The following DPH6 variants were observed in gnomAD, a reference collection of about 807,000 sequenced individuals.
DPH6 encodes the protein diphthine--ammonia ligase.
DPH6 carries 33 observed loss-of-function variants against 38.2 expected under a neutral mutation model. That is an observed-to-expected ratio of 0.86 (90% CI 0.65 to 1.15). The LOEUF is 1.15. Among genes scored for constraint, DPH6 ranks in the 50% most tolerant of loss-of-function variants. The pLI is 0.00. For synonymous variants in DPH6, 108 were observed against 103.0 expected (o/e 1.05, Z -0.30); for missense variants, 325 against 320.0 (o/e 1.02, Z -0.12).
chr15:35,281,621 A>G (rs1390767874), intron 3 of DPH6, among the ~76,000 whole-genome samples: 2 of 152,138 alleles, frequency 1.3e-5, no homozygotes, highest in Non-Finnish European at 2.9e-5. Flanking sequence ...ACATTGGTCT[A>G]CTCTTCAGCT....
At chr15:35,512,870 A>G (rs983642307) in intron 3 of DPH6, among the ~76,000 whole-genome samples, 21 of 152,162 alleles carry the variant, frequency 1.4e-4, no homozygotes, top group Non-Finnish European at 2.6e-4. Flanking sequence ...CTGGAAATGC[A>G]TCCTAAGGAA....
intron 4 of DPH6, among the ~76,000 whole-genome samples, chr15:35,453,141 CT>C (rs1257374512): frequency 1.3e-5 from 2 of 152,156 alleles, no homozygotes; most frequent in African/African-American, 4.8e-5. Flanking sequence ...AGTAACATTA[CT>C]TTTGAAGTTT....
At chr15:35,255,719 T>C (rs1172825083) in intron 3 of DPH6, among the ~76,000 whole-genome samples, 1 of 152,028 alleles carries the variant, frequency 6.6e-6, no homozygotes, top group African/African-American at 2.4e-5. Context: ...GTCTTGAAAT[T>C]TTTTTTGACT....
intron 3 of DPH6, among the ~76,000 whole-genome samples, chr15:35,474,662 A>G (rs545131839): frequency 2.0e-5 from 3 of 152,320 alleles, no homozygotes; most frequent in African/African-American, 4.8e-5. Context: ...AACACTACGT[A>G]AATGTAAAAA....
intron 3 of DPH6, among the ~76,000 whole-genome samples, chr15:35,289,366 A>G (rs2051964244): frequency 6.6e-6 from 1 of 152,232 alleles, no homozygotes; most frequent in African/African-American, 2.4e-5. Context: ...ACATGGAGCA[A>G]TTTGTAGCAA....
intron 6 of DPH6, among the ~76,000 whole-genome samples, chr15:35,393,854 G>T (rs1012698711): frequency 6.6e-6 from 1 of 152,138 alleles, no homozygotes; most frequent in Non-Finnish European, 1.5e-5. Flanking sequence ...AGAAATTTAG[G>T]AAAATTCTCA....
chr15:35,188,402 G>A, the DPH6 span, among the ~76,000 whole-genome samples: 1 of 152,186 alleles, frequency 6.6e-6, no homozygotes, highest in African/African-American at 2.4e-5. Flanking sequence ...CATGCAGACA[G>A]GCCACCCCAA....
intron 3 of DPH6, among the ~76,000 whole-genome samples, chr15:35,459,261 T>G (rs2054033427): frequency 6.6e-6 from 1 of 152,198 alleles, no homozygotes; most frequent in Non-Finnish European, 1.5e-5. Context: ...GCCTTGTAGA[T>G]GATCGTCATC....
At chr15:35,214,537 C>T (rs2140380597), downstream of DPH6, among the ~76,000 whole-genome samples, 1 of 152,280 alleles carries the variant, frequency 6.6e-6, no homozygotes, top group African/African-American at 2.4e-5. Context: ...ATCCAGAATC[C>T]AACCACTTCT....
At chr15:35,245,006 G>T (rs1183041654) in intron 3 of DPH6, among the ~76,000 whole-genome samples, 2 of 152,074 alleles carry the variant, frequency 1.3e-5, no homozygotes, top group African/African-American at 4.8e-5. Flanking sequence ...TGACACTCAT[G>T]AAAAATGTAG....
chr15:35,262,678 C>A (rs1400000987), intron 3 of DPH6, among the ~76,000 whole-genome samples: 1 of 124,668 alleles, frequency 8.0e-6, no homozygotes, highest in Non-Finnish European at 1.5e-5. Context: ...TGCACTCCAG[C>A]CTGCGAAACA....
intron 3 of DPH6, among the ~76,000 whole-genome samples, chr15:35,315,945 G>A (rs2052184868): frequency 6.6e-6 from 1 of 152,100 alleles, no homozygotes; most frequent in Non-Finnish European, 1.5e-5. Flanking sequence ...AGCCCAGAAA[G>A]ACAAGTAATG....
At chr15:35,370,434 T>C (rs1205979976), downstream of DPH6, among the ~76,000 whole-genome samples, 1 of 151,694 alleles carries the variant, frequency 6.6e-6, no homozygotes, top group African/African-American at 2.4e-5. Context: ...TATTTGCAAA[T>C]ACATATTTGA....
At chr15:35,219,260 C>A (rs144045621) in exon 4 of DPH6, 1 of 152,132 alleles carries the variant, frequency 6.6e-6, no homozygotes, top group Admixed American at 6.5e-5. Context: ...TGCATAATAT[C>A]TGACTTGGCA....
At chr15:35,477,408 G>T (rs944988244) in intron 3 of DPH6, among the ~76,000 whole-genome samples, 3 of 151,780 alleles carry the variant, frequency 2.0e-5, no homozygotes, top group Non-Finnish European at 4.4e-5. Flanking sequence ...AATACAAAGT[G>T]TTAAGAGGTA....
chr15:35,152,542 C>T, the DPH6 span, among the ~76,000 whole-genome samples: 1 of 152,078 alleles, frequency 6.6e-6, no homozygotes, highest in Non-Finnish European at 1.5e-5. Flanking sequence ...TCTTGTTGCC[C>T]AGGCTGGAGT....
chr15:35,281,027 A>C (rs905041554), intron 3 of DPH6, among the ~76,000 whole-genome samples: 2 of 152,170 alleles, frequency 1.3e-5, no homozygotes, highest in Non-Finnish European at 2.9e-5. Context: ...ATATGTATAC[A>C]TGTGCCATGC....
At chr15:35,253,218 A>G (rs980052861) in intron 3 of DPH6, among the ~76,000 whole-genome samples, 2 of 152,240 alleles carry the variant, frequency 1.3e-5, no homozygotes, top group Non-Finnish European at 2.9e-5. Context: ...CCATTATTAT[A>G]AAGAAACTTC....
At chr15:35,386,020 C>T (rs911722047) in intron 6 of DPH6, among the ~76,000 whole-genome samples, 3 of 151,976 alleles carry the variant, frequency 2.0e-5, no homozygotes, top group African/African-American at 4.8e-5. Flanking sequence ...CAACAGGCCC[C>T]GGTGTGTGAG....
Sources: gnomAD v4.1 joint callset for allele counts (sites outside exome capture counted in the v4.1 genomes callset) on GRCh38, gnomAD v4.1.1 for gene constraint, MANE v1.5 for transcripts, NCBI Gene and HGNC (gene_info 2026-07-23, HGNC 2026-07-21) for gene names.